Variants in C9 observed in about 807,000 individuals in gnomAD.
C9 encodes complement component C9.
Under a neutral mutation model 65.4 loss-of-function variants are expected in C9, and 63 were observed. The ratio of observed to expected loss-of-function variants is 0.96; its 90% CI spans 0.79 to 1.19. C9 has a LOEUF of 1.19. Among genes scored for constraint, C9 ranks in the 50% most tolerant of loss-of-function variants. C9 has a pLI of 0.00. For synonymous variants in C9, 229 were observed against 227.9 expected, an observed-to-expected ratio of 1.00 and a Z score of -0.04; for missense variants, 744 against 670.1, an observed-to-expected ratio of 1.11 and a Z score of -1.22.
intron 5 of C9, among the ~76,000 whole-genome samples, chr5:39,321,352 A>G (rs1402234199): frequency 6.6e-6 from 1 of 152,136 alleles, no homozygotes; most frequent in African/African-American, 2.4e-5. Flanking sequence ...ATAGCCTATT[A>G]TAACTATAGA....
intron 9 of C9, among the ~76,000 whole-genome samples, chr5:39,296,356 A>T (rs1753186212): frequency 6.6e-6 from 1 of 151,544 alleles, no homozygotes; most frequent in African/African-American, 2.4e-5. Context: ...AAAATAAACA[A>T]ATGATCTGAA....
intron 4 of C9, among the ~76,000 whole-genome samples, chr5:39,333,993 C>A (rs1287785293): frequency 6.6e-6 from 1 of 152,244 alleles, no homozygotes; most frequent in Admixed American, 6.5e-5. Flanking sequence ...CTGCCTTGGC[C>A]CCCCAAAGTG....
intron 1 of C9, among the ~76,000 whole-genome samples, chr5:39,363,132 CA>C (rs1754551389): frequency 6.6e-6 from 1 of 152,158 alleles, no homozygotes; most frequent in South Asian, 2.1e-4. Flanking sequence ...AGGTGAAGTT[CA>C]AGGGAGCTAA....
At chr5:39,317,179 C>A (rs1461677389) in intron 5 of C9, among the ~76,000 whole-genome samples, 1 of 152,104 alleles carries the variant, frequency 6.6e-6, no homozygotes, top group Non-Finnish European at 1.5e-5. Context: ...CCTTTGCCCA[C>A]TTTTTAATGG....
At chr5:39,363,130 T>A (rs561101014) in intron 1 of C9, among the ~76,000 whole-genome samples, 2 of 152,324 alleles carry the variant, frequency 1.3e-5, no homozygotes, top group South Asian at 4.1e-4. Context: ...TCAGGTGAAG[T>A]TCAAGGGAGC....
chr5:39,341,509 G>A (rs764512119), intron 3 of C9, 47 bp downstream of exon 3: 39 of 1,602,252 alleles, frequency 2.4e-5, no homozygotes, highest in Admixed American at 3.3e-5. Context: ...TTTCATTCAG[G>A]AAGGCACACA....
chr5:39,354,400 C>G (rs765444203), intron 1 of C9, among the ~76,000 whole-genome samples: 3 of 152,202 alleles, frequency 2.0e-5, no homozygotes, highest in Non-Finnish European at 4.4e-5. Flanking sequence ...ATCAAGCTCT[C>G]TGAGGATTGG....
chr5:39,306,618 T>C lies in C9; in HGVS notation c.1415A>G (p.Lys472Arg). 6.2e-7 allele frequency: 1 copy of C among 1,611,190 alleles called. No individual in the cohort carries two copies. Among genetic ancestry groups the C allele is most frequent in the South Asian group, 1.1e-5 (1 of 91,020 alleles). Reference protein sequence around the residue: ...INDAPVLISQKLSPIYNLVPV... With the variant: ...INDAPVLISQRLSPIYNLVPV... The stretch of plus-strand genomic sequence containing the variant: ...TTTGAAAATAAACACGTTTCTTACT[T>C]TTTGACTAATGAGAACAGGAGCATC... The change falls in exon 9 of 11, where the codon AAA becomes AGA. Residue 472 changes from lysine to arginine, a missense_variant and splice_region_variant. By Grantham distance (26) the Lys-to-Arg change is conservative (BLOSUM62 2). Transcript: ENST00000263408.
At chr5:39,326,009 C>T (rs948214933) in intron 5 of C9, among the ~76,000 whole-genome samples, 1 of 152,180 alleles carries the variant, frequency 6.6e-6, no homozygotes, top group African/African-American at 2.4e-5. Context: ...TCCCACATCT[C>T]TTTTGATGGC....
intron 5 of C9, among the ~76,000 whole-genome samples, chr5:39,317,556 C>T (rs1753590590): frequency 6.6e-6 from 1 of 152,084 alleles, no homozygotes; most frequent in Admixed American, 6.6e-5. Context: ...CAATTGTCTG[C>T]ATATGGCTAG....
intron 1 of C9, among the ~76,000 whole-genome samples, chr5:39,353,353 A>C (rs764273256): frequency 9.9e-5 from 15 of 152,240 alleles, no homozygotes; most frequent in Non-Finnish European, 1.6e-4. Context: ...AGGAAACAAA[A>C]GCACAATGCC....
intron 1 of C9, among the ~76,000 whole-genome samples, chr5:39,349,029 G>A (rs546099843): frequency 2.6e-5 from 4 of 151,048 alleles, no homozygotes; most frequent in Non-Finnish European, 5.9e-5. Context: ...TGTGGGGTGG[G>A]GGGGAGGGGG....
chr5:39,287,402 A>G (rs1753009817), intron 10 of C9, among the ~76,000 whole-genome samples: 2 of 151,998 alleles, frequency 1.3e-5, no homozygotes, highest in African/African-American at 4.8e-5. Context: ...TCAAAAAATT[A>G]AAAATAGGAC....
At chr5:39,344,478 G>C (rs1395092981) in intron 1 of C9, among the ~76,000 whole-genome samples, 1 of 152,110 alleles carries the variant, frequency 6.6e-6, no homozygotes, top group Non-Finnish European at 1.5e-5. Context: ...GAGACAAAAG[G>C]ATAAAAAGAA....
chr5:39,349,486 C>A (rs1754282800), intron 1 of C9, among the ~76,000 whole-genome samples: 1 of 152,238 alleles, frequency 6.6e-6, no homozygotes, highest in Non-Finnish European at 1.5e-5. Flanking sequence ...ACATTTATGT[C>A]TTTCTGACAT....
In C9 at chr5:39,311,136, C is replaced by T. The variant is rs544567518; in HGVS notation, c.1111+1G>A. ...AGTCAGAGCTCTATTTCTAGGCATA[C>T]CTTTCCGCTTCATGGAAGCTTTATC... On this transcript the variant is annotated splice_donor_variant, in intron 7 of 10. Transcript: ENST00000263408. LOFTEE classifies it high-confidence loss of function. The T allele has an allele frequency of 6.2e-7, 1 of 1,613,180 alleles. No homozygotes were observed. The highest frequency in any genetic ancestry group is 1.7e-5 in the Admixed American group (1 of 59,982).
At chr5:39,285,628 A>T (rs552775822) in intron 10 of C9, among the ~76,000 whole-genome samples, 5 of 151,432 alleles carry the variant, frequency 3.3e-5, no homozygotes, top group Admixed American at 3.3e-4. Flanking sequence ...CAAAAAACCC[A>T]TGCCCAGGCA....
At chr5:39,322,359 C>T (rs1070306) in intron 5 of C9, among the ~76,000 whole-genome samples, 101,431 of 151,830 alleles carry the variant, frequency 0.67, 35,388 homozygotes, top group African/African-American at 0.89. Context: ...GAAAAGTTTA[C>T]AGTAATAAAT....
chr5:39,303,470 G>GAAAAATATAT (rs1297062038), intron 9 of C9, among the ~76,000 whole-genome samples: 1 of 150,928 alleles, frequency 6.6e-6, no homozygotes, highest in Non-Finnish European at 1.5e-5. Context: ...CTTTAGTACG[G>GAAAAATATAT]AAAAATATAT....
Sources: allele counts gnomAD v4.1 joint callset (sites outside exome capture counted in the v4.1 genomes callset), GRCh38; gene constraint gnomAD v4.1.1; transcripts MANE v1.5; gene names NCBI Gene and HGNC (gene_info 2026-07-23, HGNC 2026-07-21).